PRDM16: variants seen among roughly 807,000 people sequenced by gnomAD.
PRDM16 encodes the protein histone-lysine N-methyltransferase PRDM16.
Under a neutral mutation model 110.6 loss-of-function variants are expected in PRDM16, and 23 were observed. The observed-to-expected ratio is 0.21, with a 90% CI of 0.15 to 0.29. The LOEUF (loss-of-function observed/expected upper bound fraction) is 0.29, where lower values mean the gene tolerates loss of function less well. Among genes scored for constraint, PRDM16 ranks in the 10% least tolerant of loss-of-function variants. The probability of loss-of-function intolerance (pLI) is 1.00; values close to 1 mark genes in which losing one functional copy is unlikely to be tolerated. For synonymous variants in PRDM16, 799 were observed against 781.8 expected (o/e 1.02, Z -0.37); for missense variants, 1,615 against 1,794.3 (o/e 0.90, Z 1.81).
In PRDM16 at chr1:3,409,226, G is replaced by T. The variant is rs555611720; in HGVS notation, c.1187-2158G>T. On this transcript the variant is annotated intron_variant, in intron 8 of 16. Transcript: ENST00000270722. ...GTGGGCGCGTGAGTTGGTGCGTGTGGGTGTGAGAGTGTGTGAGTGGGGCAC... is the reference window on the plus strand; with the variant it reads ...GTGGGCGCGTGAGTTGGTGCGTGTGTGTGTGAGAGTGTGTGAGTGGGGCAC... 4.6e-5 allele frequency among the ~76,000 whole-genome samples: 7 copies of T among 151,260 alleles called. No individual in the cohort carries two copies. In the East Asian group the frequency reaches 1.4e-3, roughly 30 times the overall value.
chr1:3,395,099 A>G (rs2493248), intron 4 of PRDM16, among the ~76,000 whole-genome samples: 4,340 of 152,218 alleles, frequency 0.029, 209 homozygotes, highest in African/African-American at 0.098. Context: ...TCACGCTGTG[A>G]CTTATGTGTG....
At chr1:3,340,010 TG>T (rs1642240267) in intron 3 of PRDM16, among the ~76,000 whole-genome samples, 1 of 152,198 alleles carries the variant, frequency 6.6e-6, no homozygotes, top group Non-Finnish European at 1.5e-5. Flanking sequence ...AATTTCTGTC[TG>T]ATGCTCCGTC....
At chr1:3,104,768 T>C (rs954600470) in intron 1 of PRDM16, among the ~76,000 whole-genome samples, 3 of 152,054 alleles carry the variant, frequency 2.0e-5, no homozygotes, top group African/African-American at 7.2e-5. Context: ...TGTGCATTCC[T>C]GGGCCGTGGC....
Position 3,425,898 on chromosome 1 carries a change from G to T in PRDM16, c.3109+148G>T. ...GAAGCCAACAGGCACCCCTCAAACC[G>T]TGGTCATTAAAGAGAACCTCGTGCT... is the stretch of plus-strand genomic sequence containing the variant. On this transcript the variant is annotated intron_variant, in intron 13 of 16. Transcript: ENST00000270722. The surrounding 1 kb of genome is among the most constrained non-coding windows in gnomAD (Gnocchi z 6.9). The T allele has an allele frequency of 7.9e-7, 1 of 1,258,182 alleles. No homozygotes were observed. The highest frequency in any genetic ancestry group is 1.1e-6 in the Non-Finnish European group (1 of 915,862). 77.9% of individuals were successfully genotyped at this position (1,258,182 alleles called of 1,614,324 possible). A position where few individuals can be genotyped will look rare whatever the true frequency, so the allele number is the denominator to read the frequency against.
At position 3,079,250 on chromosome 1, in the gene PRDM16, C is replaced by T. The variant is rs374781343; in HGVS notation, c.37+9954C>T. On this transcript the variant is annotated intron_variant, in intron 1 of 16. Transcript: ENST00000270722. ...GGTCTCGGCTATGTCAGCATCTCTC[C>T]GCAGTGGTGGCCTGAGAGCCCCTTC... Among the ~76,000 whole-genome samples, 27 of 152,360 alleles carry T rather than the reference C, an allele frequency of 1.8e-4. No individual in the cohort carries two copies. In the East Asian group the frequency reaches 2.3e-3, roughly 13 times the overall value.
At chr1:3,212,108 C>G (rs550121766) in intron 2 of PRDM16, among the ~76,000 whole-genome samples, 1 of 152,328 alleles carries the variant, frequency 6.6e-6, no homozygotes, top group East Asian at 1.9e-4. Flanking sequence ...CATTCACCGG[C>G]TCGTGAAACC....
At chr1:3,089,178 G>T (rs571284744) in intron 1 of PRDM16, among the ~76,000 whole-genome samples, 1 of 152,342 alleles carries the variant, frequency 6.6e-6, no homozygotes, top group Admixed American at 6.5e-5. Context: ...GGGCCCCTCC[G>T]ACTCGACGTC....
chr1:3,180,221 C>T (rs1428556697), intron 1 of PRDM16, among the ~76,000 whole-genome samples: 1 of 151,092 alleles, frequency 6.6e-6, no homozygotes, highest in East Asian at 1.9e-4. Flanking sequence ...CTCCTCCCAC[C>T]CCCCAGGCCA....
chr1:3,423,733 G>C (rs764833308), intron 12 of PRDM16, among the ~76,000 whole-genome samples: 3 of 152,176 alleles, frequency 2.0e-5, no homozygotes, highest in Non-Finnish European at 4.4e-5. Flanking sequence ...CCCCATCCTG[G>C]TGCCTCCACA....
chr1:3,212,527 C>T (rs573539805), intron 2 of PRDM16, among the ~76,000 whole-genome samples: 3 of 151,568 alleles, frequency 2.0e-5, no homozygotes, highest in East Asian at 1.9e-4. Flanking sequence ...ATGTTCTGGG[C>T]GCCTCTCAGA....
At chr1:3,180,984 AG>A (rs1557507466) in intron 1 of PRDM16, among the ~76,000 whole-genome samples, 9 of 141,964 alleles carry the variant, frequency 6.3e-5, no homozygotes, top group Non-Finnish European at 1.2e-4. Context: ...TTACACACGC[AG>A]TCTTACACAC....
In PRDM16 at chr1:3,146,526, GGTGTGTGTGCACGTGTGTTCGGTGT is replaced by G. The variant is rs1643658219; in HGVS notation, c.38-39597_38-39573del. On this transcript the variant is annotated intron_variant, in intron 1 of 16. Transcript: ENST00000270722. ...GTGCAAGTGTGTGTGCTCGGTGTGG[GGTGTGTGTGCACGTGTGTTCGGTGT>G]GGGGTGTGTACACATGTGTGCTCGG... 6.7e-5 allele frequency among the ~76,000 whole-genome samples: 10 copies of G among 150,116 alleles called. 1 individual carries two copies. Among genetic ancestry groups the G allele is most frequent in the Non-Finnish European group, 1.3e-4 (9 of 67,534 alleles).
At chr1:3,240,454 A>C (rs997974036) in intron 2 of PRDM16, among the ~76,000 whole-genome samples, 7 of 151,528 alleles carry the variant, frequency 4.6e-5, no homozygotes, top group African/African-American at 1.7e-4. Flanking sequence ...AGAAAAGAGA[A>C]GTAGGTTAGA....
At chr1:3,217,652 A>C (rs1226316680) in intron 2 of PRDM16, among the ~76,000 whole-genome samples, 1 of 152,144 alleles carries the variant, frequency 6.6e-6, no homozygotes, top group Admixed American at 6.5e-5. Flanking sequence ...GCTGTCCAGA[A>C]GCAGCGTTTT....
intron 2 of PRDM16, among the ~76,000 whole-genome samples, chr1:3,226,120 C>T (rs1639283569): frequency 6.6e-6 from 1 of 152,236 alleles, no homozygotes; most frequent in Non-Finnish European, 1.5e-5. Context: ...CAGGTGCCAG[C>T]AGGTAAGGCT....
At chr1:3,283,598 AAG>A (rs1388827885) in intron 3 of PRDM16, among the ~76,000 whole-genome samples, 1 of 152,118 alleles carries the variant, frequency 6.6e-6, no homozygotes, top group South Asian at 2.1e-4. Context: ...AGGTCAGAGG[AAG>A]AGAGAGGGGA....
intron 1 of PRDM16, among the ~76,000 whole-genome samples, chr1:3,072,673 C>T (rs1641794290): frequency 6.6e-6 from 1 of 152,192 alleles, no homozygotes; most frequent in South Asian, 2.1e-4. Flanking sequence ...GGGCAGTTGG[C>T]CCCGTCCACC....
intron 8 of PRDM16, among the ~76,000 whole-genome samples, chr1:3,407,308 A>G (rs1643579105): frequency 6.6e-6 from 1 of 152,170 alleles, no homozygotes; most frequent in Non-Finnish European, 1.5e-5. Context: ...CCCCCAGCCT[A>G]ACCTGGGCCA....
chr1:3,379,173 A>AGCACACCCCTCCC (rs1643052341), intron 3 of PRDM16, among the ~76,000 whole-genome samples: 1 of 68,814 alleles, frequency 1.5e-5, no homozygotes, highest in Admixed American at 1.9e-4. Flanking sequence ...CACCCCTCCC[A>AGCACACCCCTCCC]AAACACCCCT....
Sources: allele counts gnomAD v4.1 joint callset (sites outside exome capture counted in the v4.1 genomes callset), GRCh38; gene constraint gnomAD v4.1.1; non-coding constraint Gnocchi (gnomAD v3.1); transcripts MANE v1.5; gene names NCBI Gene and HGNC (gene_info 2026-07-23, HGNC 2026-07-21).